Variants in FLT1 observed in about 807,000 individuals in gnomAD.
The protein encoded by FLT1 is fms related receptor tyrosine kinase 1.
In FLT1, 49 loss-of-function variants were observed where a neutral mutation model predicts 156.3. The ratio of observed to expected loss-of-function variants is 0.31; its 90% CI spans 0.25 to 0.40. The LOEUF is 0.40. Ranked by LOEUF, FLT1 falls within the 10% of genes least tolerant of loss-of-function variation. FLT1 has a pLI of 1.00. For missense variants in FLT1, 1,322 were observed against 1,637.2 expected (o/e 0.81, Z 3.32); for synonymous variants, 594 against 583.8 (o/e 1.02, Z -0.25).
At chr13:28,314,981 T>A (rs1436886578) in intron 25 of FLT1, among the ~76,000 whole-genome samples, 20 of 152,178 alleles carry the variant, frequency 1.3e-4, no homozygotes, top group Admixed American at 1.3e-3. Context: ...CTCTGAGTTA[T>A]TTGCGACCAC....
chr13:28,471,562 C>T (rs1405589806), intron 1 of FLT1, among the ~76,000 whole-genome samples: 2 of 152,130 alleles, frequency 1.3e-5, no homozygotes, highest in African/African-American at 4.8e-5. Context: ...TGTGTATGTA[C>T]GTACCCATAA....
chr13:28,456,520 G>C (rs1435642788), intron 3 of FLT1, among the ~76,000 whole-genome samples: 1 of 152,082 alleles, frequency 6.6e-6, no homozygotes, highest in Admixed American at 6.5e-5. Flanking sequence ...TTTGCCGGCC[G>C]GGCACAGTGG....
At chr13:28,386,486 T>G in intron 13 of FLT1, 1 of 1,048,218 alleles carries the variant, frequency 9.5e-7, no homozygotes, top group Non-Finnish European at 1.2e-6. Context: ...CTGAAGGAAG[T>G]GCTCTGATGT....
At chr13:28,388,812 A>G (rs1874525854) in intron 13 of FLT1, 2 of 1,060,740 alleles carry the variant, frequency 1.9e-6, no homozygotes, top group Middle Eastern at 4.2e-4. Context: ...ACACCTTTGA[A>G]TGCTGTCATT....
Position 28,372,076 on chromosome 13 carries a change from A to ATATTTTT in FLT1, c.2116+12808_2116+12809insAAAAATA, listed in dbSNP as rs1257431752. 2.3e-3 allele frequency among the ~76,000 whole-genome samples: 27 copies of ATATTTTT among 11,756 alleles called. 1 individual carries two copies. The highest frequency in any genetic ancestry group is 8.2e-3 in the East Asian group (3 of 364). The allele number at this position is 11,756 out of a possible 152,430, so 7.7% of individuals were successfully genotyped here. A position where few individuals can be genotyped will look rare whatever the true frequency, so the allele number is the denominator to read the frequency against. ...TATATATATATATATATATATATAT[A>ATATTTTT]TTTTTTTTTTTTTTTTTTTTTTTGA... On this transcript the variant is annotated intron_variant, in intron 14 of 29. Coordinates refer to ENST00000282397, the MANE Select transcript of FLT1 (RefSeq NM_002019.4).
At chr13:28,312,730 C>CA (rs1254075214) in intron 25 of FLT1, among the ~76,000 whole-genome samples, 3 of 152,076 alleles carry the variant, frequency 2.0e-5, no homozygotes, top group African/African-American at 7.2e-5. Flanking sequence ...GTGAAGCCCA[C>CA]AGTGTGGAGT....
chr13:28,386,187 T>G (rs1175997323), intron 13 of FLT1: 2 of 1,054,738 alleles, frequency 1.9e-6, no homozygotes, highest in African/African-American at 3.3e-5. Context: ...GATGATACAT[T>G]GCAATGGCCT....
chr13:28,470,235 T>C (rs1880083449), intron 1 of FLT1, among the ~76,000 whole-genome samples: 1 of 152,232 alleles, frequency 6.6e-6, no homozygotes, highest in South Asian at 2.1e-4. Context: ...CTCATACTTA[T>C]CTTTATGAGT....
intron 1 of FLT1, among the ~76,000 whole-genome samples, chr13:28,468,801 A>C (rs768375383): frequency 6.6e-6 from 1 of 152,220 alleles, no homozygotes; most frequent in Non-Finnish European, 1.5e-5. Flanking sequence ...AGCAGATGCT[A>C]GCACCATGCT....
In FLT1 at chr13:28,429,761, TG is replaced by T. The variant is rs138632169; in HGVS notation, c.1106+288del. Among the ~76,000 whole-genome samples the T allele has an allele frequency of 9.3e-3, 1,419 of 152,314 alleles. 21 individuals carry two copies. Among genetic ancestry groups the T allele is most frequent in the African/African-American group, 0.032 (1,314 of 41,574 alleles). On this transcript the variant is annotated intron_variant, in intron 8 of 29. Coordinates refer to ENST00000282397, the MANE Select transcript of FLT1 (RefSeq NM_002019.4). ...TGCTCAACACATCCCATTCAAAGAA[TG>T]TTGACATCATAGGAAGGTTTAGAGA...
chr13:28,318,683 C>G (rs1381154665), intron 24 of FLT1, among the ~76,000 whole-genome samples: 1 of 145,734 alleles, frequency 6.9e-6, no homozygotes, highest in African/African-American at 2.8e-5. Flanking sequence ...TACAGGAAAC[C>G]AGGGATGTTA....
chr13:28,472,566 T>C (rs992281801), intron 1 of FLT1, among the ~76,000 whole-genome samples: 10 of 152,246 alleles, frequency 6.6e-5, no homozygotes, highest in African/African-American at 2.4e-4. Context: ...AATCCCCTGG[T>C]TTCTCTCCCA....
chr13:28,492,492 C>T (rs540551027), intron 1 of FLT1, among the ~76,000 whole-genome samples: 106 of 152,232 alleles, frequency 7.0e-4, no homozygotes, highest in Non-Finnish European at 1.0e-3. Flanking sequence ...GGTAAATAAG[C>T]GCTTTAGAGG....
chr13:28,454,929 C>T (rs1040581260), intron 3 of FLT1, among the ~76,000 whole-genome samples: 2 of 152,076 alleles, frequency 1.3e-5, no homozygotes, highest in Non-Finnish European at 2.9e-5. Context: ...AACACCTAGA[C>T]ATAAGTCTAT....
intron 1 of FLT1, among the ~76,000 whole-genome samples, chr13:28,493,519 TTTG>T (rs376578526): frequency 7.2e-5 from 11 of 152,014 alleles, no homozygotes; most frequent in Middle Eastern, 3.4e-3. Flanking sequence ...TAACAAGCTT[TTTG>T]TTGTTGTTGT....
At chr13:28,390,854 T>C (rs1874668894) in intron 12 of FLT1, among the ~76,000 whole-genome samples, 1 of 152,214 alleles carries the variant, frequency 6.6e-6, no homozygotes, top group Non-Finnish European at 1.5e-5. Flanking sequence ...CAAGTGAGAA[T>C]AGGAAGTCCT....
At chr13:28,447,490 T>C (rs1878688646) in intron 3 of FLT1, among the ~76,000 whole-genome samples, 1 of 152,084 alleles carries the variant, frequency 6.6e-6, no homozygotes, top group South Asian at 2.1e-4. Context: ...CCTGGCCTAA[T>C]ACAATATTCT....
intron 10 of FLT1, among the ~76,000 whole-genome samples, chr13:28,406,633 A>T (rs1232066250): frequency 6.4e-5 from 1 of 15,554 alleles, no homozygotes; most frequent in Non-Finnish European, 6.3e-4. Flanking sequence ...GAATTTTATT[A>T]TTATTATTAT....
intron 19 of FLT1, 124 bp from the exon 20 acceptor site, chr13:28,327,674 C>T (rs1318595190): frequency 4.5e-6 from 3 of 667,144 alleles, no homozygotes; most frequent in East Asian, 5.8e-5. Flanking sequence ...CGAAGGGATG[C>T]GATTTAGGGA....
Sources: gnomAD v4.1 joint callset for allele counts (sites outside exome capture counted in the v4.1 genomes callset) on GRCh38, gnomAD v4.1.1 for gene constraint, MANE v1.5 for transcripts, NCBI Gene and HGNC (gene_info 2026-07-23, HGNC 2026-07-21) for gene names.